Variants in KCNIP1 observed in about 807,000 individuals in gnomAD.
The protein encoded by KCNIP1 is potassium voltage-gated channel interacting protein 1, also known as A-type potassium channel modulatory protein KCNIP1.
Under a neutral mutation model 33.0 loss-of-function variants are expected in KCNIP1, and 18 were observed. That is an observed-to-expected ratio of 0.55 (90% confidence interval 0.38 to 0.81). The LOEUF is 0.81. KCNIP1 is among the 30% of genes least tolerant of loss of function. KCNIP1 has a pLI of 0.00. For missense variants in KCNIP1, 238 were observed against 271.6 expected (o/e 0.88, Z 0.87); for synonymous variants, 93 against 98.3 (o/e 0.95, Z 0.32).
intron 1 of KCNIP1, among the ~76,000 whole-genome samples, chr5:170,613,051 C>T (rs1759234715): frequency 6.6e-6 from 1 of 152,214 alleles, no homozygotes; most frequent in Admixed American, 6.5e-5. Context: ...CCTGAACGTG[C>T]CTCTCCTCTG....
At chr5:170,374,836 G>T (rs1431676817) in intron 1 of KCNIP1, 1 of 152,178 alleles carries the variant, frequency 6.6e-6, no homozygotes, top group Non-Finnish European at 1.5e-5. Context: ...GACAGTTGTG[G>T]CATTTGCTAG....
chr5:170,430,222 T>C (rs922536616), intron 1 of KCNIP1, among the ~76,000 whole-genome samples: 22 of 152,218 alleles, frequency 1.4e-4, no homozygotes, highest in African/African-American at 5.1e-4. Context: ...TAGGACCCAA[T>C]AGGGGCTTTT....
chr5:170,530,281 T>C (rs1374287370), intron 1 of KCNIP1, among the ~76,000 whole-genome samples: 4 of 152,224 alleles, frequency 2.6e-5, no homozygotes, highest in African/African-American at 9.6e-5. Context: ...AATGATCTGA[T>C]AGCTAATGAG....
intron 1 of KCNIP1, among the ~76,000 whole-genome samples, chr5:170,394,887 T>A (rs1754717970): frequency 6.6e-6 from 1 of 152,232 alleles, no homozygotes; most frequent in South Asian, 2.1e-4. Flanking sequence ...CTTAGCATAA[T>A]GGCCTCCAGC....
At chr5:170,361,005 A>G (rs1763497529) in intron 1 of KCNIP1, among the ~76,000 whole-genome samples, 1 of 152,258 alleles carries the variant, frequency 6.6e-6, no homozygotes, top group Admixed American at 6.5e-5. Flanking sequence ...GTGACCAGCC[A>G]GAACGACCTG....
At chr5:170,563,381 C>T (rs1757100487) in intron 1 of KCNIP1, among the ~76,000 whole-genome samples, 1 of 152,186 alleles carries the variant, frequency 6.6e-6, no homozygotes, top group African/African-American at 2.4e-5. Flanking sequence ...GCCCACAATC[C>T]TCATGCCAGT....
chr5:170,424,923 T>A (rs1755578742), intron 1 of KCNIP1, among the ~76,000 whole-genome samples: 1 of 152,174 alleles, frequency 6.6e-6, no homozygotes, highest in Non-Finnish European at 1.5e-5. Flanking sequence ...TTTCTGGTCT[T>A]CAGACACAAT....
Position 170,597,653 on chromosome 5 carries a change from A to ACG in KCNIP1, c.61+93020_61+93021insCG, listed in dbSNP as rs201344995. On this transcript the variant is annotated intron_variant, in intron 1 of 7. Transcript: ENST00000328939. ...CTCAAGCAGATTCTCCTTGTCAGACAACACGGGAGGCAGTGTCATGGCTGA... is the reference window on the plus strand; with the variant it reads ...CTCAAGCAGATTCTCCTTGTCAGACACGACACGGGAGGCAGTGTCATGGCTGA... Among the ~76,000 whole-genome samples the ACG allele has an allele frequency of 9.8e-3, 1,496 of 152,050 alleles. 24 individuals are homozygous for ACG. Among genetic ancestry groups the ACG allele is most frequent in the African/African-American group, 0.034 (1,396 of 41,408 alleles).
At chr5:170,576,417 T>A (rs1581348245) in intron 1 of KCNIP1, among the ~76,000 whole-genome samples, 1 of 152,354 alleles carries the variant, frequency 6.6e-6, no homozygotes, top group Non-Finnish European at 1.5e-5. Context: ...GTAGATATTG[T>A]AACAGAAGCC....
chr5:170,493,951 G>A (rs1581241074), intron 1 of KCNIP1, among the ~76,000 whole-genome samples: 1 of 152,180 alleles, frequency 6.6e-6, no homozygotes, highest in Non-Finnish European at 1.5e-5. Flanking sequence ...TGGTGCCATC[G>A]CAGGACAGGT....
In KCNIP1 at chr5:170,585,752, G is replaced by A. The variant is rs377388902; in HGVS notation, c.61+81119G>A. Among the ~76,000 whole-genome samples, 8 of 152,158 alleles carry A rather than the reference G, an allele frequency of 5.3e-5. No individual in the cohort carries two copies. In the East Asian group the frequency reaches 1.2e-3, roughly 22 times the overall value. On this transcript the variant is annotated intron_variant, in intron 1 of 7. Coordinates refer to ENST00000328939, the MANE Select transcript of KCNIP1 (RefSeq NM_014592.4). The stretch of plus-strand genomic sequence containing the variant: ...AGTGAATATTCCTCCCAGGGCAGAC[G>A]GGGCCATTCGCTGAGTGGCACATGA...
At chr5:170,622,029 G>C (rs914591240) in intron 1 of KCNIP1, among the ~76,000 whole-genome samples, 3 of 152,078 alleles carry the variant, frequency 2.0e-5, no homozygotes. Flanking sequence ...GAATCCCTTT[G>C]AGCCTCACTT....
At chr5:170,363,651 G>GC (rs149315456) in intron 1 of KCNIP1, among the ~76,000 whole-genome samples, 4,736 of 152,236 alleles carry the variant, frequency 0.031, 107 homozygotes, top group Non-Finnish European at 0.046. Context: ...GACTAATACA[G>GC]CCCCATAGAC....
intron 1 of KCNIP1, among the ~76,000 whole-genome samples, chr5:170,466,112 T>A (rs1756603951): frequency 6.6e-6 from 1 of 151,850 alleles, no homozygotes; most frequent in African/African-American, 2.4e-5. Context: ...AGAAGACAAG[T>A]GGGGAGGTTT....
chr5:170,422,273 C>T (rs1755512926), intron 1 of KCNIP1: 1 of 152,236 alleles, frequency 6.6e-6, no homozygotes, highest in Non-Finnish European at 1.5e-5. Flanking sequence ...GTTCTGGTCT[C>T]AACTCTGCCA....
At chr5:170,731,421 G>A (rs1396109374) in intron 5 of KCNIP1, among the ~76,000 whole-genome samples, 2 of 152,146 alleles carry the variant, frequency 1.3e-5, no homozygotes, top group Admixed American at 6.5e-5. Context: ...AAGAAACTCA[G>A]GCTGGGCATG....
At chr5:170,686,615 C>T (rs1762543524) in intron 1 of KCNIP1, among the ~76,000 whole-genome samples, 1 of 152,178 alleles carries the variant, frequency 6.6e-6, no homozygotes, top group Non-Finnish European at 1.5e-5. Flanking sequence ...AGCACCATCC[C>T]CACCAGACAA....
At chr5:170,597,823 A>ATATATATG in intron 1 of KCNIP1, among the ~76,000 whole-genome samples, 1 of 145,564 alleles carries the variant, frequency 6.9e-6, no homozygotes, top group Non-Finnish European at 1.5e-5. Context: ...ATATATATAT[A>ATATATATG]TATATATGAA....
At chr5:170,661,461 G>C (rs1253533837) in intron 1 of KCNIP1, among the ~76,000 whole-genome samples, 2 of 152,176 alleles carry the variant, frequency 1.3e-5, no homozygotes, top group Non-Finnish European at 1.5e-5. Context: ...ACAATTCTAG[G>C]AGTTGGGGAA....
Sources: gnomAD v4.1 joint callset for allele counts (sites outside exome capture counted in the v4.1 genomes callset) on GRCh38, gnomAD v4.1.1 for gene constraint, MANE v1.5 for transcripts, NCBI Gene and HGNC (gene_info 2026-07-23, HGNC 2026-07-21) for gene names.